The following FBXO22 variants were observed in gnomAD, a reference collection of about 807,000 sequenced individuals.
FBXO22 encodes the protein F-box only protein 22.
A neutral mutation model predicts 37.2 loss-of-function variants in FBXO22; 13 were observed. The ratio of observed to expected loss-of-function variants is 0.35; its 90% CI spans 0.23 to 0.56. The LOEUF (loss-of-function observed/expected upper bound fraction) is 0.56. Among genes scored for constraint, FBXO22 ranks in the 20% least tolerant of loss-of-function variants. The pLI, the probability that FBXO22 is intolerant of heterozygous loss-of-function variation, is 0.87. For synonymous variants in FBXO22, 189 were observed against 189.1 expected, an observed-to-expected ratio of 1.00 and a Z score of 0.00; for missense variants, 446 against 509.9, an observed-to-expected ratio of 0.87 and a Z score of 1.21.
At chr15:75,929,747 A>C in intron 5 of FBXO22, 137 bp from the exon 6 acceptor site, 2 of 867,498 alleles carry the variant, frequency 2.3e-6, no homozygotes, top group Non-Finnish European at 3.5e-6. Context: ...AAAATAAAAA[A>C]TGGAAAATTT....
chr15:75,904,618 G>A lies in FBXO22; in HGVS notation c.268G>A (p.Glu90Lys). Residue 90 changes from glutamate (E) to lysine (K), a missense_variant, in exon 2 of 7, where the codon GAG becomes AAG. Glu to Lys is a moderately conservative substitution (Grantham distance 56). Coordinates refer to ENST00000308275, the MANE Select transcript of FBXO22 (RefSeq NM_147188.3). ...GCATTGCTTGGTTCGCGTGGTAGCA[G>A]AGGAGCTTGAGGCAAGTAGCAAGGG... ...EGHCLVRVVAEELENVRILPH... is the reference protein window; with the variant it reads ...EGHCLVRVVAKELENVRILPH... The A allele has an allele frequency of 6.2e-7, 1 of 1,606,560 alleles. No individual in the cohort carries two copies.
At chr15:75,926,661 AAC>A (rs1900448176) in intron 5 of FBXO22, among the ~76,000 whole-genome samples, 1 of 152,170 alleles carries the variant, frequency 6.6e-6, no homozygotes, top group Non-Finnish European at 1.5e-5. Flanking sequence ...ATCCGGGAAA[AAC>A]ACTAGTCACA....
chr15:75,929,756 T>G (rs766455332), intron 5 of FBXO22, 128 bp from the exon 6 acceptor site: 18 of 967,896 alleles, frequency 1.9e-5, no homozygotes, highest in South Asian at 3.9e-5. Context: ...AATGGAAAAT[T>G]TGATAGCTTA....
intron 2 of FBXO22, among the ~76,000 whole-genome samples, chr15:75,909,972 T>C (rs1900017218): frequency 6.6e-6 from 1 of 152,168 alleles, no homozygotes; most frequent in Non-Finnish European, 1.5e-5. Flanking sequence ...TGTGTCCATG[T>C]GTTTTCATTG....
chr15:75,914,189 G>A lies in FBXO22; in HGVS notation c.447G>A (p.Val149=). The change falls in exon 4 of 7, where the codon GTG becomes GTA. Residue 149 remains valine, a synonymous_variant. Coordinates refer to ENST00000308275, the MANE Select transcript of FBXO22 (RefSeq NM_147188.3). The part of the protein sequence containing the change: ...FPKQCQVLGI[V]TPGIVVTPMG... ...AACAATGCCAAGTCCTTGGGATTGT[G>A]ACCCCAGGAATTGTAGGTGAGATAA... 6.2e-7 allele frequency: 1 copy of A among 1,612,656 alleles called. No homozygotes were observed. Among genetic ancestry groups the A allele is most frequent in the African/African-American group, 1.3e-5 (1 of 74,990 alleles).
At chr15:75,929,861 T>C (rs2029948703) in intron 5 of FBXO22, 23 bp from the exon 6 acceptor site, 1 of 1,613,602 alleles carries the variant, frequency 6.2e-7, no homozygotes, top group Non-Finnish European at 8.5e-7. Context: ...TGTCTTTAAC[T>C]GTTGCTCTTC....
intron 2 of FBXO22, among the ~76,000 whole-genome samples, chr15:75,907,306 G>A (rs910216119): frequency 2.6e-5 from 4 of 152,150 alleles, no homozygotes; most frequent in African/African-American, 4.8e-5. Context: ...TAGAGTTGTT[G>A]TGAGGATTAA....
At chr15:75,931,409 C>G (rs183027114) in intron 6 of FBXO22, among the ~76,000 whole-genome samples, 159 of 152,180 alleles carry the variant, frequency 1.0e-3, no homozygotes, top group Non-Finnish European at 1.5e-3. Context: ...CCAACTGACC[C>G]AGTGCCCCAA....
intron 5 of FBXO22, among the ~76,000 whole-genome samples, chr15:75,927,179 TATTA>T (rs1219419329): frequency 5.9e-5 from 9 of 152,164 alleles, no homozygotes; most frequent in South Asian, 2.1e-4. Context: ...GAAGTAGCAA[TATTA>T]ATTTGGAGAG....
rs771825258 is a variant in FBXO22, at chr15:75,933,048, G to A, written c.1158G>A (p.Leu386=). The A allele has an allele frequency of 1.2e-6, 2 of 1,614,116 alleles. No individual in the cohort carries two copies. The highest frequency in any genetic ancestry group is 1.7e-5 in the Admixed American group (1 of 60,018). Residue 386 remains leucine, a synonymous_variant, in exon 7 of 7, where the codon CTG becomes CTA. Transcript: ENST00000308275. ...GTAATGAGGTAAAAGATGATGATCT[G>A]TTTCATAGCTATACAACAATAATGG... ...RKCNEVKDDD[L]FHSYTTIMAL...
rs1399894099 is a variant in FBXO22, at chr15:75,942,161, G to C, written c.*9059G>C. On this transcript the variant is annotated 3_prime_UTR_variant, in exon 7 of 7. Coordinates refer to ENST00000308275, the MANE Select transcript of FBXO22 (RefSeq NM_147188.3). ...TGGTTGCCAGAGGTTCAGTGGGAGA[G>C]AGGGAGGGGTAAATACATGGAGTAG... 1 of 152,024 alleles carries C rather than the reference G, an allele frequency of 6.6e-6. No homozygotes were observed. The highest frequency in any genetic ancestry group is 6.6e-5 in the Admixed American group (1 of 15,260). The allele number at this position is 152,024 out of a possible 1,614,324, so 9.4% of individuals were successfully genotyped here.
At chr15:75,929,180 TTTC>T (rs1043525129) in intron 5 of FBXO22, among the ~76,000 whole-genome samples, 1 of 152,132 alleles carries the variant, frequency 6.6e-6, no homozygotes, top group African/African-American at 2.4e-5. Context: ...CACACTGCCT[TTTC>T]TTCTCTGTCT....
At chr15:75,921,866 C>G (rs1255055088) in intron 5 of FBXO22, among the ~76,000 whole-genome samples, 1 of 152,120 alleles carries the variant, frequency 6.6e-6, no homozygotes, top group Non-Finnish European at 1.5e-5. Flanking sequence ...CTTCCACCTC[C>G]ACATCTCGTC....
rs533288718 is a variant in FBXO22 at position 75,937,115 on chromosome 15, A to G, written c.*4013A>G. On this transcript the variant is annotated 3_prime_UTR_variant, in exon 7 of 7. Coordinates refer to ENST00000308275, the MANE Select transcript of FBXO22 (RefSeq NM_147188.3). ...CATACTCTATTCAAGGTCTTGTAAT[A>G]AAATTATAGGGAGGAATAAAACATA... 16 of 152,188 alleles carry G rather than the reference A, an allele frequency of 1.1e-4. No individual in the cohort carries two copies. The highest frequency in any genetic ancestry group is 2.6e-4 in the Admixed American group (4 of 15,290). The allele number at this position is 152,188 out of a possible 1,614,324, so 9.4% of individuals were successfully genotyped here.
Position 75,904,643 on chromosome 15 carries a change from G to T in FBXO22, c.279+14G>T, listed in dbSNP as rs755071895. The T allele has an allele frequency of 1.4e-5, 23 of 1,596,038 alleles. 1 individual carries two copies. The highest frequency in any genetic ancestry group is 3.5e-5 in the Admixed American group (2 of 57,212). Reference sequence around the variant, plus strand: ...GAGGAGCTTGAGGCAAGTAGCAAGGGGTGTCATGCACAGTCATTTGCAGGT... The same window carrying T: ...GAGGAGCTTGAGGCAAGTAGCAAGGTGTGTCATGCACAGTCATTTGCAGGT... On this transcript the variant is annotated intron_variant, in intron 2 of 6. Coordinates refer to ENST00000308275, the MANE Select transcript of FBXO22 (RefSeq NM_147188.3).
chr15:75,929,947 G>C lies in FBXO22; in HGVS notation c.692G>C (p.Gly231Ala). Residue 231 changes from glycine (G) to alanine (A), a missense_variant, in exon 6 of 7, where the codon GGA (glycine) becomes GCA (alanine). Gly to Ala is a moderately conservative substitution (Grantham distance 60, BLOSUM62 0). Transcript: ENST00000308275. ...LVFGYNCCKV[G>A]ASNYLQQVVS... ...TTTGGTTATAATTGCTGTAAGGTGGGAGCCAGTAATTATCTGCAGCAAGTA... is the reference window on the plus strand; with the variant it reads ...TTTGGTTATAATTGCTGTAAGGTGGCAGCCAGTAATTATCTGCAGCAAGTA... 1 of 1,614,056 alleles carries C rather than the reference G, an allele frequency of 6.2e-7. No individual in the cohort carries two copies. Among genetic ancestry groups the C allele is most frequent in the Non-Finnish European group, 8.5e-7 (1 of 1,179,958 alleles).
intron 6 of FBXO22, among the ~76,000 whole-genome samples, chr15:75,932,277 A>G (rs2030054342): frequency 6.6e-6 from 1 of 151,990 alleles, no homozygotes; most frequent in Non-Finnish European, 1.5e-5. Context: ...TGACAGCTGA[A>G]GTCGGGGGGA....
In FBXO22 at chr15:75,938,413, AATAATGCG is replaced by A. The variant is rs2030591401; in HGVS notation, c.*5312_*5319del. 1 of 152,204 alleles carries A rather than the reference AATAATGCG, an allele frequency of 6.6e-6. No individual in the cohort carries two copies. Among genetic ancestry groups the A allele is most frequent in the Admixed American group, 6.5e-5 (1 of 15,282 alleles). The allele number at this position is 152,204 out of a possible 1,614,324, so 9.4% of individuals were successfully genotyped here. A position where few individuals can be genotyped will look rare whatever the true frequency, so the allele number is the denominator to read the frequency against. On this transcript the variant is annotated 3_prime_UTR_variant, in exon 7 of 7. Transcript: ENST00000308275. ...CACAAACCATACAAAGGAACAGGAA[AATAATGCG>A]CATTCAAAAGATCAAAATTAATTGA...
intron 2 of FBXO22, among the ~76,000 whole-genome samples, chr15:75,909,301 T>G (rs1057390565): frequency 1.3e-5 from 2 of 152,166 alleles, no homozygotes; most frequent in African/African-American, 4.8e-5. Context: ...GAGGTGGCAC[T>G]TAAGGTGTCT....
Sources: allele counts gnomAD v4.1 joint callset (sites outside exome capture counted in the v4.1 genomes callset), GRCh38; gene constraint gnomAD v4.1.1; transcripts MANE v1.5; gene names NCBI Gene and HGNC (gene_info 2026-07-23, HGNC 2026-07-21).